Variants in RARB observed in about 807,000 individuals in gnomAD.
The protein encoded by RARB is retinoic acid receptor beta.
RARB carries 17 observed loss-of-function variants against 51.9 expected under a neutral mutation model. The observed-to-expected ratio is 0.33, with a 90% confidence interval of 0.22 to 0.49. RARB has a LOEUF of 0.49. RARB is among the 20% of genes least tolerant of loss of function. The pLI, the probability that RARB is intolerant of heterozygous loss-of-function variation, is 0.99. For missense variants in RARB, 369 were observed against 550.8 expected (o/e 0.67, Z 3.30); for synonymous variants, 215 against 195.4 (o/e 1.10, Z -0.84).
At chr3:25,431,251 T>C (rs975257490) in intron 1 of RARB, among the ~76,000 whole-genome samples, 3 of 152,170 alleles carry the variant, frequency 2.0e-5, no homozygotes, top group African/African-American at 7.2e-5. Context: ...TATTTTCTGC[T>C]TTGAGTTTTT....
rs1700831296 is a variant in RARB at position 25,180,046 on chromosome 3, C to T, written c.178+5471C>T. 2.0e-5 allele frequency among the ~76,000 whole-genome samples: 3 copies of T among 152,152 alleles called. No individual in the cohort carries two copies. In the South Asian group the frequency reaches 6.2e-4, roughly 32 times the overall value. ...AATTAAAAACAAAAAGAATATCATT[C>T]ACTTTGATCAGATTAACTACAATGC... On this transcript the variant is annotated intron_variant, in intron 5 of 11. Transcript: ENST00000383772.
At chr3:25,389,661 A>AT (rs1179401794) in intron 5 of RARB, among the ~76,000 whole-genome samples, 1 of 152,142 alleles carries the variant, frequency 6.6e-6, no homozygotes, top group East Asian at 1.9e-4. Flanking sequence ...TTTTACAAGT[A>AT]TTTACTGAGC....
rs187439638 is a variant in RARB, at chr3:25,273,924, T to C, written c.178+99349T>C. Among the ~76,000 whole-genome samples the C allele has an allele frequency of 9.9e-5, 15 of 152,198 alleles. No homozygotes were observed. The East Asian group carries it at 2.9e-3, about 29-fold the overall frequency. ...TTGGTGTTCAGACCTCGTAGCCCAT[T>C]CTCTATGACTCCCACTGGCCTGCCA... is the stretch of plus-strand genomic sequence containing the variant. On this transcript the variant is annotated intron_variant, in intron 5 of 11. Coordinates refer to the RARB transcript ENST00000383772.
intron 2 of RARB, among the ~76,000 whole-genome samples, chr3:24,968,199 T>C (rs779509475): frequency 6.6e-6 from 1 of 152,176 alleles, no homozygotes; most frequent in African/African-American, 2.4e-5. Flanking sequence ...TACATAAATA[T>C]GTGTAAATCT....
At chr3:24,913,227 GC>G (rs201990411) in intron 2 of RARB, among the ~76,000 whole-genome samples, 3,034 of 151,666 alleles carry the variant, frequency 0.02, 104 homozygotes, top group African/African-American at 0.068. Context: ...CTCCTGATCT[GC>G]CCACCTTGGC....
chr3:25,554,550 G>C (rs1347849655), intron 3 of RARB, among the ~76,000 whole-genome samples: 2 of 152,024 alleles, frequency 1.3e-5, no homozygotes, highest in African/African-American at 4.8e-5. Flanking sequence ...ATTTCTATCT[G>C]GCCTATTAGG....
rs985550088 is a variant in RARB at position 25,350,478 on chromosome 3, A to G, written c.179-110715A>G. ...ATGTGTCTGCTGAATAGGCATCTCT[A>G]TTAACTTTCTGCCCAAACACTCTTC... On this transcript the variant is annotated intron_variant, in intron 5 of 11. Coordinates refer to the RARB transcript ENST00000383772. Among the ~76,000 whole-genome samples, 4 of 152,292 alleles carry G rather than the reference A, an allele frequency of 2.6e-5. No individual in the cohort carries two copies. In the South Asian group the frequency reaches 6.2e-4, roughly 24 times the overall value.
At chr3:25,358,204 T>C (rs987461833) in intron 5 of RARB, among the ~76,000 whole-genome samples, 1 of 152,190 alleles carries the variant, frequency 6.6e-6, no homozygotes, top group Non-Finnish European at 1.5e-5. Context: ...ACATCCCATG[T>C]AAGTTGTATT....
At chr3:25,594,838 T>TAA (rs3836380) in intron 7 of RARB, among the ~76,000 whole-genome samples, 160 bp downstream of exon 7, 3,669 of 130,844 alleles carry the variant, frequency 0.028, 157 homozygotes, top group African/African-American at 0.094. Flanking sequence ...CTCCCCCCTC[T>TAA]AAAAAAAAAA....
intron 5 of RARB, among the ~76,000 whole-genome samples, chr3:25,419,961 C>T (rs184482633): frequency 6.6e-6 from 1 of 151,808 alleles, no homozygotes. Context: ...GATATCTTCT[C>T]TAAGAGAAGC....
chr3:25,076,597 C>T (rs1480905485), intron 3 of RARB, among the ~76,000 whole-genome samples: 1 of 152,066 alleles, frequency 6.6e-6, no homozygotes, highest in African/African-American at 2.4e-5. Flanking sequence ...AATGTAGCTC[C>T]ACTTTTGAAG....
chr3:25,176,438 C>T (rs142086694), intron 5 of RARB, among the ~76,000 whole-genome samples: 18 of 148,866 alleles, frequency 1.2e-4, no homozygotes, highest in Admixed American at 4.8e-4. Context: ...GCTCTGTCGC[C>T]GGGCCAGAGT....
At position 25,075,338 on chromosome 3, in the gene RARB, A is replaced by G. The variant is rs1476562418; in HGVS notation, c.-328+15162A>G. On this transcript the variant is annotated intron_variant, in intron 3 of 11. Coordinates refer to the RARB transcript ENST00000383772. ...TTCAATCTCTGTTTATCCTTTAGCC[A>G]ACAAACCAGTTTCAGTGGCAGCATT... Among the ~76,000 whole-genome samples, 2 of 152,302 alleles carry G rather than the reference A, an allele frequency of 1.3e-5. 1 individual carries two copies. Among genetic ancestry groups the G allele is most frequent in the African/African-American group, 4.8e-5 (2 of 41,560 alleles).
chr3:24,890,878 A>C (rs1381779830), intron 2 of RARB, among the ~76,000 whole-genome samples: 1 of 152,058 alleles, frequency 6.6e-6, no homozygotes, highest in African/African-American at 2.4e-5. Flanking sequence ...GTTTGGGTCC[A>C]TTTACCAGCT....
In RARB at chr3:25,361,732, G is replaced by A. The variant is rs567564039; in HGVS notation, c.179-99461G>A. 2.2e-3 allele frequency among the ~76,000 whole-genome samples: 339 copies of A among 152,204 alleles called. 3 individuals are homozygous for A. The highest frequency in any genetic ancestry group is 7.8e-3 in the African/African-American group (323 of 41,538). On this transcript the variant is annotated intron_variant, in intron 5 of 11. Transcript: ENST00000383772. ...TTTGTTAGTTTTCTTTCTACCAGTC[G>A]GTCCCCTCTTCTGCAGGTCTGCTGG...
chr3:25,129,062 C>A (rs1053079869), intron 3 of RARB, among the ~76,000 whole-genome samples: 2 of 152,006 alleles, frequency 1.3e-5, no homozygotes, highest in Admixed American at 6.6e-5. Context: ...TAGTGTTTAA[C>A]CCATTCTAGA....
intron 5 of RARB, among the ~76,000 whole-genome samples, chr3:25,391,519 A>G (rs941190242): frequency 6.6e-6 from 1 of 152,182 alleles, no homozygotes; most frequent in Non-Finnish European, 1.5e-5. Context: ...ATAGCAGTGC[A>G]AAAGTGTTCC....
chr3:25,178,181 A>T (rs1352381274), intron 5 of RARB, among the ~76,000 whole-genome samples: 2 of 152,076 alleles, frequency 1.3e-5, no homozygotes, highest in African/African-American at 4.8e-5. Context: ...AAAGAAGAAA[A>T]GTTATTTGCA....
intron 2 of RARB, among the ~76,000 whole-genome samples, chr3:24,973,405 C>A (rs991187632): frequency 6.6e-6 from 1 of 151,932 alleles, no homozygotes; most frequent in African/African-American, 2.4e-5. Context: ...TAGTATAATG[C>A]CCCCAACTTA....
Sources: allele counts gnomAD v4.1 joint callset (sites outside exome capture counted in the v4.1 genomes callset), GRCh38; gene constraint gnomAD v4.1.1; transcripts MANE v1.5; gene names NCBI Gene and HGNC (gene_info 2026-07-23, HGNC 2026-07-21).